Variants in MYO15B observed in about 807,000 individuals in gnomAD.
MYO15B encodes the protein myosin XVB pseudogene.
In MYO15B, 207 loss-of-function variants were observed where a neutral mutation model predicts 119.3. That is an observed-to-expected ratio of 1.73 (90% CI 1.55 to 1.95). MYO15B has a LOEUF of 1.95. Ranked by LOEUF, MYO15B falls within the 30% of genes most tolerant of loss-of-function variation. The pLI is 0.00. For missense variants in MYO15B, 2,264 were observed against 1,203.1 expected (o/e 1.88, Z -13.04); for synonymous variants, 966 against 498.9 (o/e 1.94, Z -12.48).
chr17:75,593,424 C>G (rs1420691050), intron 9 of MYO15B, among the ~76,000 whole-genome samples: 1 of 151,906 alleles, frequency 6.6e-6, no homozygotes, highest in Non-Finnish European at 1.5e-5. Flanking sequence ...ATGCTGAAAC[C>G]CTGTCTCTAC....
exon 46 of MYO15B, chr17:75,619,738 C>G (rs755514497): frequency 1.4e-6 from 1 of 702,928 alleles, no homozygotes; most frequent in South Asian, 1.5e-5. Context: ...GCTGCGACTG[C>G]TCAAGGTGAC....
In MYO15B at chr17:75,605,873, C is replaced by T. The variant is rs566519841; in HGVS notation, c.4144C>T (p.Gln1382Ter). 8.4e-4 allele frequency: 585 copies of T among 695,424 alleles called. 4 individuals carry two copies. The African/African-American group carries it at 8.5e-3, about 10-fold the overall frequency. 43.1% of individuals were successfully genotyped at this position (695,424 alleles called of 1,614,324 possible). The change falls in exon 21 of 64, where the codon CAG becomes TAG. Residue 1382 changes from glutamine (Q) to a stop codon, truncating the protein, a stop_gained. Transcript: ENST00000645453. LOFTEE classifies it high-confidence loss of function. The stretch of plus-strand genomic sequence containing the variant: ...ACCCCTCTACCCACAGGTCCTGCTG[C>T]AGGAGCAGGGCTGGCAGCGGCTGGA...
exon 49 of MYO15B, chr17:75,620,616 C>T (rs979009088): frequency 2.6e-5 from 18 of 701,558 alleles, no homozygotes; most frequent in African/African-American, 2.1e-4. Context: ...AGGGCTGGCT[C>T]GGTGGGACAG....
intron 3 of MYO15B, 58 bp downstream of exon 3, chr17:75,591,074 A>C: frequency 2.9e-6 from 2 of 686,702 alleles, no homozygotes; most frequent in Admixed American, 4.1e-5. Context: ...CAGTCCCTGC[A>C]TGTCCCCTTG....
chr17:75,598,592 G>GTAA (rs2057037335), intron 14 of MYO15B, among the ~76,000 whole-genome samples: 1 of 151,110 alleles, frequency 6.6e-6, no homozygotes, highest in Admixed American at 6.6e-5. Flanking sequence ...AAATGTTATT[G>GTAA]TAATAGTTCG....
At chr17:75,606,932 G>T in intron 21 of MYO15B, 1 of 398,462 alleles carries the variant, frequency 2.5e-6, no homozygotes, top group Admixed American at 4.4e-5. Flanking sequence ...CGCCCTCACA[G>T]CCTGTCTTCA....
intron 43 of MYO15B, 70 bp downstream of exon 43, chr17:75,618,255 G>A: frequency 4.3e-6 from 3 of 698,554 alleles, no homozygotes; most frequent in Non-Finnish European, 7.9e-6. Context: ...TTTGTCTAAT[G>A]GCTGGGCCAG....
exon 1 of MYO15B, chr17:75,590,212 C>T (rs2056345791): frequency 5.0e-6 from 2 of 399,176 alleles, no homozygotes; most frequent in Non-Finnish European, 8.8e-6. Flanking sequence ...CGGAGACGGC[C>T]TGGAAGACAT....
chr17:75,587,856 T>C (rs1568099293), exon 1 of MYO15B, among the ~76,000 whole-genome samples: 2 of 152,234 alleles, frequency 1.3e-5, no homozygotes. Context: ...CTCTATTCCA[T>C]TGTTGGCCGA....
intron 53 of MYO15B, among the ~76,000 whole-genome samples, 192 bp downstream of exon 53, chr17:75,622,272 T>G (rs541971819): frequency 3.3e-5 from 5 of 152,228 alleles, no homozygotes; most frequent in African/African-American, 9.6e-5. Context: ...AGATAACTTA[T>G]GTGTCTGGGA....
chr17:75,595,550 C>A lies in MYO15B; in HGVS notation c.3297+578C>A, dbSNP rs74443469. 1.7e-3 allele frequency among the ~76,000 whole-genome samples: 254 copies of A among 152,338 alleles called. 9 individuals carry two copies. In the East Asian group the frequency reaches 0.045, roughly 27 times the overall value. On this transcript the variant is annotated intron_variant, in intron 12 of 63. Transcript: ENST00000645453. ...CCCGTCTGTAAAACAGAATTCCCAG[C>A]AGGACCTACCTTGTGAGTTTCAGAG...
At chr17:75,617,904 G>C (rs1159847130) in exon 42 of MYO15B, 2 of 702,788 alleles carry the variant, frequency 2.8e-6, no homozygotes, top group Non-Finnish European at 5.2e-6. Flanking sequence ...CGCCCTGGAA[G>C]TTGTTCCTAC....
chr17:75,617,783 G>C, intron 41 of MYO15B, 27 bp from the exon 42 acceptor site: 1 of 691,908 alleles, frequency 1.4e-6, no homozygotes, highest in Non-Finnish European at 2.7e-6. Context: ...CCCTCACTGA[G>C]GCTCCTCACC....
chr17:75,606,020 A>G, exon 21 of MYO15B: 1 of 689,274 alleles, frequency 1.5e-6, no homozygotes, highest in Non-Finnish European at 2.7e-6. Flanking sequence ...GTTCCAGGCC[A>G]GGTCTGCAGG....
intron 12 of MYO15B, among the ~76,000 whole-genome samples, chr17:75,596,168 T>G (rs920011794): frequency 2.6e-5 from 4 of 152,018 alleles, no homozygotes; most frequent in African/African-American, 9.7e-5. Flanking sequence ...AACCTGCTAT[T>G]TAGTAGGGAA....
At chr17:75,616,621 A>G (rs1232559815) in exon 39 of MYO15B, 1 of 702,996 alleles carries the variant, frequency 1.4e-6, no homozygotes, top group South Asian at 1.5e-5. Context: ...CCAAGGAGAC[A>G]GCGGCCAAGG....
rs1398613521 is a variant in MYO15B at position 75,613,792 on chromosome 17, G to C, written c.5219+15G>C. On this transcript the variant is annotated intron_variant, in intron 29 of 63. Transcript: ENST00000645453. The stretch of plus-strand genomic sequence containing the variant: ...CTGCAGAGCAGGTATGGGGACCGGG[G>C]ATGGGGGACAGTGTGGCCAAAGTGA... The C allele has an allele frequency of 1.4e-6, 1 of 698,270 alleles. No homozygotes were observed. Among genetic ancestry groups the C allele is most frequent in the Admixed American group, 2.0e-5 (1 of 49,372 alleles). The allele number at this position is 698,270 out of a possible 1,614,324, so 43.3% of individuals were successfully genotyped here. A position where few individuals can be genotyped will look rare whatever the true frequency, so the allele number is the denominator to read the frequency against.
intron 14 of MYO15B, among the ~76,000 whole-genome samples, chr17:75,597,541 C>A (rs568154589): frequency 1.3e-5 from 2 of 152,238 alleles, no homozygotes; most frequent in African/African-American, 2.4e-5. Flanking sequence ...GTGCCAGGAA[C>A]TGTGCTAAGG....
Position 75,620,454 on chromosome 17 carries a change from G to A in MYO15B, c.7556-13G>A. On this transcript the variant is annotated splice_polypyrimidine_tract_variant and intron_variant, in intron 48 of 63. Coordinates refer to ENST00000645453, the Ensembl canonical transcript of MYO15B. ...GGTCCAGTGGGTGAGCCACATCCCT[G>A]GGTGCCTTCCAGGCTGGCAGTTTGG... The A allele has an allele frequency of 1.4e-6, 1 of 702,514 alleles. No homozygotes were observed. The highest frequency in any genetic ancestry group is 1.5e-5 in the South Asian group (1 of 67,580). 43.5% of individuals were successfully genotyped at this position (702,514 alleles called of 1,614,324 possible).
Sources: gnomAD v4.1 joint callset for allele counts (sites outside exome capture counted in the v4.1 genomes callset) on GRCh38, gnomAD v4.1.1 for gene constraint, MANE v1.5 for transcripts, NCBI Gene and HGNC (gene_info 2026-07-23, HGNC 2026-07-21) for gene names.